ESRRB: variants seen among roughly 807,000 people sequenced by gnomAD.
The protein encoded by ESRRB is estrogen related receptor beta, also known as steroid hormone receptor ERR2.
In ESRRB, 16 loss-of-function variants were observed where a neutral mutation model predicts 46.0. The ratio of observed to expected loss-of-function variants is 0.35; its 90% CI spans 0.24 to 0.53. The LOEUF is 0.53. ESRRB is among the 20% of genes least tolerant of loss of function. The pLI is 0.93. For missense variants in ESRRB, 488 were observed against 607.4 expected, an observed-to-expected ratio of 0.80 and a Z score of 2.07; for synonymous variants, 246 against 259.6, an observed-to-expected ratio of 0.95 and a Z score of 0.50.
chr14:76,493,282 G>A (rs1383377289), intron 6 of ESRRB, among the ~76,000 whole-genome samples: 4 of 152,112 alleles, frequency 2.6e-5, no homozygotes. Context: ...AGCCTTCCGA[G>A]TAGCTGGGAC....
intron 1 of ESRRB, among the ~76,000 whole-genome samples, chr14:76,333,389 CAT>C (rs1218038178): frequency 4.5e-5 from 4 of 89,340 alleles, no homozygotes; most frequent in Non-Finnish European, 6.3e-5. Flanking sequence ...ATATTTATAT[CAT>C]ATATATATTT....
intron 1 of ESRRB, among the ~76,000 whole-genome samples, chr14:76,399,462 C>T (rs898926881): frequency 3.9e-5 from 6 of 152,118 alleles, no homozygotes; most frequent in South Asian, 4.1e-4. Context: ...GCAATGTCCC[C>T]GCCGCTCATT....
chr14:76,487,548 T>A (rs1421379273), intron 5 of ESRRB, among the ~76,000 whole-genome samples: 9 of 152,252 alleles, frequency 5.9e-5, no homozygotes, highest in African/African-American at 2.2e-4. Flanking sequence ...AGTGATCTAA[T>A]ACCCTTTTAC....
chr14:76,438,903 C>CA (rs1213161361), intron 1 of ESRRB, among the ~76,000 whole-genome samples: 1 of 152,076 alleles, frequency 6.6e-6, no homozygotes, highest in African/African-American at 2.4e-5. Flanking sequence ...TGGGCTCAAG[C>CA]AATCCTCCCT....
At chr14:76,487,475 T>C (rs1244583980) in intron 5 of ESRRB, among the ~76,000 whole-genome samples, 1 of 152,212 alleles carries the variant, frequency 6.6e-6, no homozygotes, top group Non-Finnish European at 1.5e-5. Flanking sequence ...ATTACATCTA[T>C]GTAATAATCA....
At chr14:76,494,632 T>G (rs1031250956) in intron 6 of ESRRB, among the ~76,000 whole-genome samples, 7 of 152,096 alleles carry the variant, frequency 4.6e-5, no homozygotes, top group African/African-American at 1.7e-4. Flanking sequence ...TTCTATAGGT[T>G]TTGACAAATG....
At chr14:76,352,003 A>AG (rs1884319576) in intron 1 of ESRRB, among the ~76,000 whole-genome samples, 1 of 145,456 alleles carries the variant, frequency 6.9e-6, no homozygotes, top group African/African-American at 2.5e-5. Flanking sequence ...AAAAAAAAAA[A>AG]AAAAAAGCAA....
intron 2 of ESRRB, among the ~76,000 whole-genome samples, chr14:76,440,547 A>ACCTT (rs112136509): frequency 0.14 from 20,681 of 151,012 alleles, 2,423 homozygotes; most frequent in African/African-American, 0.31. Context: ...TTTAAGACCG[A>ACCTT]CCTTCCTTCA....
In ESRRB at chr14:76,491,651, A is replaced by G; in HGVS notation, c.1055A>G (p.Tyr352Cys). The change falls in exon 6 of 7, where the codon TAC becomes TGC. Residue 352 changes from tyrosine (Y) to cysteine (C), a missense_variant. Coordinates refer to ENST00000644823, the MANE Select transcript of ESRRB (RefSeq NM_001379180.1). ...GCCATCCTGCAGCTGGTACGCAGGT[A>G]CAAGAAGCTCAAGGTGGAGAAGGAG... Reference protein sequence around the residue: ...YRAILQLVRRYKKLKVEKEEF... With the variant: ...YRAILQLVRRCKKLKVEKEEF... The G allele has an allele frequency of 6.3e-7, 1 of 1,586,618 alleles. No homozygotes were observed. The highest frequency in any genetic ancestry group is 2.3e-5 in the East Asian group (1 of 44,034).
At chr14:76,355,085 C>T (rs754929221) in intron 1 of ESRRB, among the ~76,000 whole-genome samples, 1 of 152,124 alleles carries the variant, frequency 6.6e-6, no homozygotes, top group African/African-American at 2.4e-5. Flanking sequence ...TCTAGGGTCT[C>T]CCCTGGAAAG....
chr14:76,449,182 A>C (rs1888277082), intron 2 of ESRRB, among the ~76,000 whole-genome samples: 1 of 152,212 alleles, frequency 6.6e-6, no homozygotes, highest in Non-Finnish European at 1.5e-5. Flanking sequence ...TCCACAATGT[A>C]TCAGGTACAT....
chr14:76,377,426 T>C (rs1296491102), intron 1 of ESRRB, among the ~76,000 whole-genome samples: 1 of 152,110 alleles, frequency 6.6e-6, no homozygotes, highest in Non-Finnish European at 1.5e-5. Context: ...GGGTCTCCCC[T>C]TGGGCGCTGC....
At chr14:76,427,136 G>A (rs1035518331) in intron 1 of ESRRB, among the ~76,000 whole-genome samples, 2 of 152,110 alleles carry the variant, frequency 1.3e-5, no homozygotes, top group Non-Finnish European at 2.9e-5. Flanking sequence ...ACTGCACATG[G>A]GAGGGAAGAA....
intron 1 of ESRRB, among the ~76,000 whole-genome samples, chr14:76,430,883 T>C (rs1257473179): frequency 1.3e-5 from 2 of 152,184 alleles, no homozygotes; most frequent in African/African-American, 4.8e-5. Flanking sequence ...GTGGGTAGAT[T>C]CTACCCCATA....
Position 76,500,392 on chromosome 14 carries a change from C to T in ESRRB, c.*1934C>T. The T allele has an allele frequency of 1.7e-6, 1 of 587,192 alleles. No homozygotes were observed. The highest frequency in any genetic ancestry group is 2.1e-5 in the South Asian group (1 of 46,654). The allele number at this position is 587,192 out of a possible 1,614,324, so 36.4% of individuals were successfully genotyped here. A position where few individuals can be genotyped will look rare whatever the true frequency, so the allele number is the denominator to read the frequency against. ...GGCCCTAGCCCTCCATGCAGCCCAT[C>T]TTCCCTCATTTGGGTGGAGGCACAC... On this transcript the variant is annotated 3_prime_UTR_variant, in exon 7 of 7. Coordinates refer to ENST00000644823, the MANE Select transcript of ESRRB (RefSeq NM_001379180.1).
At chr14:76,330,574 C>T (rs968391837) in intron 1 of ESRRB, among the ~76,000 whole-genome samples, 8 of 152,196 alleles carry the variant, frequency 5.3e-5, no homozygotes, top group African/African-American at 1.9e-4. Flanking sequence ...GGTCGGGACC[C>T]CTCCCTGGCA....
At chr14:76,493,823 G>A (rs917654976) in intron 6 of ESRRB, among the ~76,000 whole-genome samples, 1 of 152,220 alleles carries the variant, frequency 6.6e-6, no homozygotes, top group African/African-American at 2.4e-5. Context: ...CCATCCCCTA[G>A]CTGCTAACAG....
At chr14:76,400,627 A>T (rs923760258) in intron 1 of ESRRB, among the ~76,000 whole-genome samples, 14 of 152,060 alleles carry the variant, frequency 9.2e-5, no homozygotes, top group African/African-American at 3.4e-4. Context: ...GGTGAACGGG[A>T]GTGGGAATTA....
intron 1 of ESRRB, among the ~76,000 whole-genome samples, chr14:76,317,025 T>G (rs1883808962): frequency 6.6e-6 from 1 of 152,026 alleles, no homozygotes; most frequent in Non-Finnish European, 1.5e-5. Context: ...GAGGAAGACC[T>G]TCCTTCTGAA....
Sources: gnomAD v4.1 joint callset for allele counts (sites outside exome capture counted in the v4.1 genomes callset) on GRCh38, gnomAD v4.1.1 for gene constraint, MANE v1.5 for transcripts, NCBI Gene and HGNC (gene_info 2026-07-23, HGNC 2026-07-21) for gene names.